ALK: variants seen among roughly 807,000 people sequenced by gnomAD.
ALK encodes ALK tyrosine kinase receptor.
A neutral mutation model predicts 163.1 loss-of-function variants in ALK; 74 were observed. That is an observed-to-expected ratio of 0.45 (90% CI 0.38 to 0.55). The LOEUF (loss-of-function observed/expected upper bound fraction) is 0.55, where lower values mean the gene tolerates loss of function less well. Ranked by LOEUF, ALK falls within the 20% of genes least tolerant of loss-of-function variation. ALK has a pLI of 0.00. For missense variants in ALK, 2,063 were observed against 2,105.3 expected, an observed-to-expected ratio of 0.98 and a Z score of 0.39; for synonymous variants, 960 against 843.2, an observed-to-expected ratio of 1.14 and a Z score of -2.40.
chr2:29,208,384 C>G (rs1267592754), intron 25 of ALK, among the ~76,000 whole-genome samples: 1 of 152,036 alleles, frequency 6.6e-6, no homozygotes, highest in Non-Finnish European at 1.5e-5. Context: ...CAGAGCTGAG[C>G]CTGGGAAGGA....
chr2:29,797,671 T>A (rs548057220), intron 1 of ALK, among the ~76,000 whole-genome samples: 1 of 152,230 alleles, frequency 6.6e-6, no homozygotes, highest in Non-Finnish European at 1.5e-5. Flanking sequence ...GAACTGATAT[T>A]CTGACTAGTT....
chr2:29,336,925 A>C (rs148480384), intron 5 of ALK, among the ~76,000 whole-genome samples: 11 of 152,184 alleles, frequency 7.2e-5, no homozygotes, highest in Admixed American at 1.3e-4. Context: ...TCTTCAATTA[A>C]AGTGAGGGGA....
chr2:29,883,674 C>A (rs1666920472), intron 1 of ALK, among the ~76,000 whole-genome samples: 1 of 152,064 alleles, frequency 6.6e-6, no homozygotes, highest in African/African-American at 2.4e-5. Context: ...GACCTGCTCA[C>A]TCCTTGAAGA....
At chr2:29,430,853 T>C (rs1043579664) in intron 4 of ALK, among the ~76,000 whole-genome samples, 5 of 152,238 alleles carry the variant, frequency 3.3e-5, no homozygotes, top group African/African-American at 1.2e-4. Context: ...CCTGTGTTTT[T>C]GGACACCTTG....
chr2:29,265,737 C>G (rs1043229805), intron 11 of ALK, among the ~76,000 whole-genome samples: 2 of 152,190 alleles, frequency 1.3e-5, no homozygotes, highest in Non-Finnish European at 2.9e-5. Context: ...CCTGTAATCT[C>G]AGCACTTTGG....
chr2:29,729,455 C>T (rs1229833101), intron 1 of ALK, among the ~76,000 whole-genome samples: 2 of 151,732 alleles, frequency 1.3e-5, no homozygotes, highest in Non-Finnish European at 2.9e-5. Flanking sequence ...AATCATCTGA[C>T]ATTTTTTCAC....
chr2:29,604,181 T>A (rs1037819219), intron 3 of ALK, among the ~76,000 whole-genome samples: 2 of 151,470 alleles, frequency 1.3e-5, no homozygotes, highest in African/African-American at 4.9e-5. Context: ...TTTTTTTTTT[T>A]ACAGTTTTTA....
intron 4 of ALK, among the ~76,000 whole-genome samples, chr2:29,527,289 C>G (rs1397308331): frequency 6.6e-6 from 1 of 152,168 alleles, no homozygotes; most frequent in Non-Finnish European, 1.5e-5. Flanking sequence ...AAGCTGGGAT[C>G]TTTGGTCAGA....
intron 1 of ALK, among the ~76,000 whole-genome samples, chr2:29,881,967 T>C (rs1384375106): frequency 6.6e-6 from 1 of 152,078 alleles, no homozygotes; most frequent in African/African-American, 2.4e-5. Flanking sequence ...GGGTGTGACT[T>C]TTTTGGCTCT....
In ALK at chr2:29,274,989, A is replaced by T. The variant is rs115762671; in HGVS notation, c.2041+110T>A. 1.1e-3 allele frequency: 1,568 copies of T among 1,415,628 alleles called. 20 individuals carry two copies. In the African/African-American group the frequency reaches 0.02, roughly 18 times the overall value. The allele number at this position is 1,415,628 out of a possible 1,614,324, so 87.7% of individuals were successfully genotyped here. On this transcript the variant is annotated intron_variant, in intron 11 of 28. Coordinates refer to ENST00000389048, the MANE Select transcript of ALK (RefSeq NM_004304.5). ...AGTGTAGGTGATACTCCTTCTAAAG[A>T]CTGTTTCATTCTTTCAGCACAGCTC...
At chr2:29,784,081 CAG>C (rs1663929348) in intron 1 of ALK, among the ~76,000 whole-genome samples, 2 of 151,362 alleles carry the variant, frequency 1.3e-5, no homozygotes, top group Non-Finnish European at 2.9e-5. Context: ...GAGAGCGAGA[CAG>C]AGACAGAGAG....
chr2:29,290,931 T>C (rs1666005343), intron 9 of ALK, among the ~76,000 whole-genome samples: 1 of 152,122 alleles, frequency 6.6e-6, no homozygotes, highest in African/African-American at 2.4e-5. Flanking sequence ...GGGAATGGTC[T>C]GCAGCAGGAG....
chr2:29,593,224 G>A (rs1388700384), intron 3 of ALK, among the ~76,000 whole-genome samples: 1 of 152,172 alleles, frequency 6.6e-6, no homozygotes, highest in Non-Finnish European at 1.5e-5. Context: ...AAGGGGCCTT[G>A]GGGATTTTGT....
At chr2:29,521,015 A>G (rs1672796554) in intron 4 of ALK, among the ~76,000 whole-genome samples, 1 of 152,206 alleles carries the variant, frequency 6.6e-6, no homozygotes, top group South Asian at 2.1e-4. Context: ...AACGTCCCAC[A>G]GAATGAACAG....
chr2:29,711,214 C>A (rs1038228480), intron 2 of ALK, among the ~76,000 whole-genome samples: 2 of 152,182 alleles, frequency 1.3e-5, no homozygotes, highest in Non-Finnish European at 2.9e-5. Context: ...TCCAGCCTCA[C>A]CCCAGGTCCT....
At chr2:29,658,090 C>A (rs1292857077) in intron 3 of ALK, among the ~76,000 whole-genome samples, 1 of 152,120 alleles carries the variant, frequency 6.6e-6, no homozygotes, top group Non-Finnish European at 1.5e-5. Context: ...TTCCAGTGTT[C>A]ATCTGCTCCT....
intron 16 of ALK, among the ~76,000 whole-genome samples, chr2:29,228,347 G>A (rs1455530578): frequency 2.0e-5 from 3 of 152,238 alleles, no homozygotes; most frequent in Admixed American, 6.5e-5. Context: ...TCTGCTGACT[G>A]TGCTCTGAAG....
In ALK at chr2:29,734,825, T is replaced by C. The variant is rs757833606; in HGVS notation, c.668-17128A>G. 2.0e-3 allele frequency among the ~76,000 whole-genome samples: 298 copies of C among 152,158 alleles called. 1 individual carries two copies. The highest frequency in any genetic ancestry group is 3.1e-3 in the Non-Finnish European group (210 of 67,974). On this transcript the variant is annotated intron_variant, in intron 1 of 28. Coordinates refer to ENST00000389048, the MANE Select transcript of ALK (RefSeq NM_004304.5). ...ACTTAAATAATTTAAATAAATTTAA[T>C]AGATATTTTGGTAATTTAAATACAA...
intron 4 of ALK, among the ~76,000 whole-genome samples, chr2:29,472,866 C>A (rs1671380428): frequency 1.8e-5 from 2 of 109,252 alleles, no homozygotes; most frequent in South Asian, 7.1e-4. Flanking sequence ...TAAAGAAGAT[C>A]TGATAAATGA....
Sources: gnomAD v4.1 joint callset for allele counts (sites outside exome capture counted in the v4.1 genomes callset) on GRCh38, gnomAD v4.1.1 for gene constraint, MANE v1.5 for transcripts, NCBI Gene and HGNC (gene_info 2026-07-23, HGNC 2026-07-21) for gene names.